TAS2R1: variants seen among roughly 807,000 people sequenced by gnomAD.
TAS2R1 encodes taste 2 receptor member 1.
For synonymous variants in TAS2R1, 141 were observed against 134.2 expected, an observed-to-expected ratio of 1.05 and a Z score of -0.35; for missense variants, 370 against 353.4, an observed-to-expected ratio of 1.05 and a Z score of -0.38.
At chr5:9,685,927 G>A (rs752988054) in intron 1 of TAS2R1, among the ~76,000 whole-genome samples, 13 of 152,166 alleles carry the variant, frequency 8.5e-5, no homozygotes, top group East Asian at 1.9e-4. Context: ...GTGCAATGGT[G>A]CAATCTTGGC....
the TAS2R1 span, among the ~76,000 whole-genome samples, chr5:9,825,706 G>A: frequency 6.6e-6 from 1 of 152,106 alleles, no homozygotes; most frequent in Non-Finnish European, 1.5e-5. Context: ...TTTCTTTTGT[G>A]AATATTGTTA....
chr5:9,759,385 G>A, the TAS2R1 span, among the ~76,000 whole-genome samples: 22 of 152,080 alleles, frequency 1.4e-4, no homozygotes, highest in Admixed American at 2.6e-4. Context: ...CTCCAAAGTC[G>A]ATGGCAATGT....
chr5:9,861,084 A>T, the TAS2R1 span, among the ~76,000 whole-genome samples: 1 of 109,932 alleles, frequency 9.1e-6, no homozygotes, highest in Non-Finnish European at 1.8e-5. Flanking sequence ...ATAGTGTTTT[A>T]AAAACTTTTG....
chr5:9,715,144 A>G (rs1734781136), upstream of TAS2R1, among the ~76,000 whole-genome samples: 1 of 152,230 alleles, frequency 6.6e-6, no homozygotes, highest in Non-Finnish European at 1.5e-5. Context: ...CAGCCAGTGC[A>G]CTACAGACTG....
At chr5:9,817,389 A>C in the TAS2R1 span, among the ~76,000 whole-genome samples, 1 of 152,238 alleles carries the variant, frequency 6.6e-6, no homozygotes, top group Non-Finnish European at 1.5e-5. Context: ...TGACAATTTT[A>C]CAGGCATCAA....
the TAS2R1 span, among the ~76,000 whole-genome samples, chr5:9,882,748 G>A: frequency 6.6e-6 from 1 of 152,188 alleles, no homozygotes; most frequent in Non-Finnish European, 1.5e-5. Flanking sequence ...TTTAACCATT[G>A]TGGAAGATGG....
the TAS2R1 span, among the ~76,000 whole-genome samples, chr5:9,789,441 T>C: frequency 6.6e-6 from 1 of 152,254 alleles, no homozygotes; most frequent in Non-Finnish European, 1.5e-5. Flanking sequence ...TAATTTGGCA[T>C]GTGAAACGGG....
chr5:9,885,381 T>C, the TAS2R1 span, among the ~76,000 whole-genome samples: 1 of 152,260 alleles, frequency 6.6e-6, no homozygotes, highest in Non-Finnish European at 1.5e-5. Flanking sequence ...TCAGAGAGAA[T>C]ATTAATTCCT....
the TAS2R1 span, among the ~76,000 whole-genome samples, chr5:9,876,772 T>C: frequency 6.6e-6 from 1 of 152,134 alleles, no homozygotes; most frequent in Non-Finnish European, 1.5e-5. Flanking sequence ...AAAGAGACAG[T>C]GACAACAGCT....
chr5:9,688,793 C>T (rs1481314885), intron 1 of TAS2R1, among the ~76,000 whole-genome samples: 1 of 152,104 alleles, frequency 6.6e-6, no homozygotes, highest in Non-Finnish European at 1.5e-5. Context: ...TAAAGCTTCC[C>T]CCAATCCCAG....
At chr5:9,685,163 G>C (rs999175817) in intron 1 of TAS2R1, among the ~76,000 whole-genome samples, 2 of 152,162 alleles carry the variant, frequency 1.3e-5, no homozygotes, top group Non-Finnish European at 2.9e-5. Context: ...AAGTCAAAGG[G>C]AGAGCTCTGG....
At chr5:9,650,963 G>A (rs1178203253) in intron 2 of TAS2R1, among the ~76,000 whole-genome samples, 1 of 152,190 alleles carries the variant, frequency 6.6e-6, no homozygotes, top group Non-Finnish European at 1.5e-5. Flanking sequence ...GCTGATCAAT[G>A]ACACTGCAGA....
intron 1 of TAS2R1, among the ~76,000 whole-genome samples, chr5:9,703,631 T>C (rs139727208): frequency 4.1e-4 from 63 of 152,008 alleles, no homozygotes; most frequent in African/African-American, 1.4e-3. Context: ...AGCCTTTGAG[T>C]GGAACTTAAA....
intron 1 of TAS2R1, among the ~76,000 whole-genome samples, chr5:9,690,985 G>A (rs550298832): frequency 4.6e-5 from 7 of 152,286 alleles, no homozygotes; most frequent in African/African-American, 7.2e-5. Context: ...CAAAGTGTGC[G>A]TAGCCCGGGG....
At chr5:9,796,639 AG>A in the TAS2R1 span, among the ~76,000 whole-genome samples, 1,152 of 151,446 alleles carry the variant, frequency 7.6e-3, 8 homozygotes, top group African/African-American at 0.027. Context: ...AAACAACAAA[AG>A]AGTGGCCTGA....
the TAS2R1 span, among the ~76,000 whole-genome samples, chr5:9,821,320 C>T: frequency 2.3e-4 from 35 of 152,294 alleles, no homozygotes; most frequent in African/African-American, 7.7e-4. Context: ...ACCACCACCC[C>T]CTTCTTCTTC....
Position 9,630,238 on chromosome 5 carries a change from C to T in TAS2R1, c.-206G>A, listed in dbSNP as rs188073431. The T allele has an allele frequency of 2.5e-6, 1 of 402,724 alleles. No homozygotes were observed. Among genetic ancestry groups the T allele is most frequent in the East Asian group, 3.8e-5 (1 of 26,040 alleles). The allele number at this position is 402,724 out of a possible 1,614,324, so 24.9% of individuals were successfully genotyped here. ...GAGACAGTCAAATAAGGAGGAGATA[C>T]TCTAGCATCAATTTGCTTCTTATTG... is the stretch of plus-strand genomic sequence containing the variant. On this transcript the variant is annotated 5_prime_UTR_variant, in exon 1 of 1. Transcript: ENST00000382492.
chr5:9,661,421 T>C (rs1368473859), intron 1 of TAS2R1, among the ~76,000 whole-genome samples: 1 of 152,206 alleles, frequency 6.6e-6, no homozygotes, highest in Non-Finnish European at 1.5e-5. Flanking sequence ...GGTGAATGCA[T>C]GCTCTCTTTT....
the TAS2R1 span, among the ~76,000 whole-genome samples, chr5:9,791,256 TC>T: frequency 6.6e-6 from 1 of 152,152 alleles, no homozygotes; most frequent in Non-Finnish European, 1.5e-5. Context: ...CTCAGAATCC[TC>T]CCTTGCAGCC....
Sources: gnomAD v4.1 joint callset for allele counts (sites outside exome capture counted in the v4.1 genomes callset) on GRCh38, gnomAD v4.1.1 for gene constraint, MANE v1.5 for transcripts, NCBI Gene and HGNC (gene_info 2026-07-23, HGNC 2026-07-21) for gene names.